Variants in ATP2B2 observed in about 807,000 individuals in gnomAD.
The protein encoded by ATP2B2 is plasma membrane calcium-transporting ATPase 2.
In ATP2B2, 15 loss-of-function variants were observed where a neutral mutation model predicts 120.0. The ratio of observed to expected loss-of-function variants is 0.12; its 90% CI spans 0.08 to 0.19. The LOEUF is 0.19. ATP2B2 is among the 10% of genes least tolerant of loss of function. ATP2B2 has a pLI of 1.00. For missense variants in ATP2B2, 1,045 were observed against 1,719.8 expected, an observed-to-expected ratio of 0.61 and a Z score of 6.94; for synonymous variants, 694 against 700.3, an observed-to-expected ratio of 0.99 and a Z score of 0.14.
intron 16 of ATP2B2, among the ~76,000 whole-genome samples, chr3:10,348,435 C>T (rs1321467370): frequency 6.6e-6 from 1 of 152,224 alleles, no homozygotes; most frequent in Non-Finnish European, 1.5e-5. Context: ...TGTTCCTGTG[C>T]CTGGTGACAC....
At chr3:10,668,243 T>A (rs898579633) in intron 1 of ATP2B2, among the ~76,000 whole-genome samples, 1 of 152,216 alleles carries the variant, frequency 6.6e-6, no homozygotes, top group Non-Finnish European at 1.5e-5. Context: ...GAACTATAGG[T>A]CTCATTGTTG....
chr3:10,392,926 A>G (rs1369435760), intron 5 of ATP2B2, among the ~76,000 whole-genome samples: 1 of 152,196 alleles, frequency 6.6e-6, no homozygotes, highest in Non-Finnish European at 1.5e-5. Flanking sequence ...GGACAGCTAC[A>G]TCTCGGGAAG....
chr3:10,707,705 C>A lies in ATP2B2; in HGVS notation c.-460+210G>T, dbSNP rs932379798. ...CCACCCCGGCCCGCCCCGCCCGCCG[C>A]CTGGTGCCCGCTCAAGGTCACTGCT... On this transcript the variant is annotated intron_variant, in intron 1 of 21. Coordinates refer to the ATP2B2 transcript ENST00000646379. 8.6e-5 allele frequency among the ~76,000 whole-genome samples: 13 copies of A among 151,826 alleles called. No individual in the cohort carries two copies. The South Asian group carries it at 2.3e-3, about 27-fold the overall frequency.
chr3:10,456,722 C>A (rs978524080), intron 1 of ATP2B2, among the ~76,000 whole-genome samples: 4 of 152,250 alleles, frequency 2.6e-5, no homozygotes, highest in African/African-American at 9.6e-5. Flanking sequence ...GCTGGGGAGG[C>A]CTCCAGCTTG....
At position 10,402,106 on chromosome 3, in the gene ATP2B2, C is replaced by T. The variant is rs374835840; in HGVS notation, c.640G>A (p.Ala214Thr). ...PVAEIVVGDI[A>T]QVKYGDLLPA... ...GGACACTTACCATATTTGACCTGGG[C>T]TATGTCCCCAACCACGATCTCAGCC... is the stretch of plus-strand genomic sequence containing the variant. Residue 214 changes from alanine (A) to threonine (T), a missense_variant, in exon 4 of 23, where the codon GCC becomes ACC. This residue lies in a region of ATP2B2 where 35 missense variants were observed against 29.9 expected (regional missense o/e 1.17). Transcript: ENST00000360273. The surrounding 1 kb of genome is among the most constrained non-coding windows in gnomAD (Gnocchi z 4.9). The T allele has an allele frequency of 3.7e-6, 6 of 1,614,036 alleles. No homozygotes were observed. The highest frequency in any genetic ancestry group is 5.1e-6 in the Non-Finnish European group (6 of 1,180,024).
chr3:10,554,280 C>T (rs1407373344), intron 2 of ATP2B2, among the ~76,000 whole-genome samples: 1 of 152,178 alleles, frequency 6.6e-6, no homozygotes, highest in Non-Finnish European at 1.5e-5. Flanking sequence ...AGAAATGTCT[C>T]AGTTTCCAGG....
rs561256611 is a variant in ATP2B2, at chr3:10,612,786, G to A, written c.-415+7131C>T. On this transcript the variant is annotated intron_variant, in intron 2 of 21. Coordinates refer to the ATP2B2 transcript ENST00000646379. ...ATTGCCCCCTCTCTGGTCTTCTGCT[G>A]GTCTTAGTAAATAGCACCAGCCTCC... Among the ~76,000 whole-genome samples, 6 of 152,254 alleles carry A rather than the reference G, an allele frequency of 3.9e-5. No homozygotes were observed. In the South Asian group the frequency reaches 1.2e-3, roughly 32 times the overall value.
At chr3:10,501,115 C>A (rs1252547200) in intron 1 of ATP2B2, among the ~76,000 whole-genome samples, 1 of 152,218 alleles carries the variant, frequency 6.6e-6, no homozygotes, top group African/African-American at 2.4e-5. Flanking sequence ...TGAGCTGTGG[C>A]CCCTGCTCGG....
intron 1 of ATP2B2, among the ~76,000 whole-genome samples, chr3:10,465,574 G>A (rs1291057989): frequency 6.6e-6 from 1 of 152,164 alleles, no homozygotes; most frequent in South Asian, 2.1e-4. Context: ...TTTAGGTTTT[G>A]GGTTTAAGAT....
At chr3:10,699,965 G>A (rs1227594433) in intron 1 of ATP2B2, among the ~76,000 whole-genome samples, 7 of 152,058 alleles carry the variant, frequency 4.6e-5, no homozygotes, top group African/African-American at 1.4e-4. Context: ...TAAATAACCC[G>A]GTTTCAAGTG....
intron 1 of ATP2B2, chr3:10,626,562 G>GGGATGGATGGATGGATGGAT (rs112765369): frequency 6.7e-6 from 1 of 149,414 alleles, no homozygotes; most frequent in African/African-American, 2.5e-5. Flanking sequence ...GAGAGAGAAG[G>GGGATGGATGGATGGATGGAT]GGATGGATGG....
chr3:10,488,100 GCCAT>G (rs943539240), intron 1 of ATP2B2, among the ~76,000 whole-genome samples: 4 of 143,522 alleles, frequency 2.8e-5, no homozygotes, highest in East Asian at 2.1e-4. Flanking sequence ...CATCCATCCA[GCCAT>G]CCATCCATCC....
At position 10,346,096 on chromosome 3, in the gene ATP2B2, C is replaced by T; in HGVS notation, c.2446G>A (p.Ala816Thr). Residue 816 changes from alanine to threonine, a missense_variant, in exon 17 of 23, where the codon GCC becomes ACC. Physicochemically the swap from Ala to Thr is moderately conservative, Grantham distance 58. Coordinates refer to ENST00000360273, the MANE Select transcript of ATP2B2 (RefSeq NM_001001331.4). This position sits in a 1 kb window ranked among gnomAD's most constrained non-coding sequence, Gnocchi z 4.1. ...STHTEQRQVV[A>T]VTGDGTNDGP... The stretch of plus-strand genomic sequence containing the variant: ...TCGTTGGTCCCGTCCCCCGTCACGG[C>T]CACCACCTGCCGCTGCTCAGTGTGT... The T allele has an allele frequency of 6.2e-7, 1 of 1,612,086 alleles. No homozygotes were observed.
intron 1 of ATP2B2, among the ~76,000 whole-genome samples, chr3:10,632,770 G>A (rs992186889): frequency 3.3e-5 from 5 of 152,164 alleles, no homozygotes; most frequent in African/African-American, 9.7e-5. Flanking sequence ...GCACAGGGTC[G>A]GCCACTGAGC....
chr3:10,576,878 T>C (rs554913588), intron 2 of ATP2B2, among the ~76,000 whole-genome samples: 3 of 151,820 alleles, frequency 2.0e-5, no homozygotes, highest in South Asian at 2.1e-4. Context: ...GCCTGGTCAA[T>C]ATGGTGAAAC....
At chr3:10,532,158 C>G (rs1016061623) in intron 3 of ATP2B2, among the ~76,000 whole-genome samples, 3 of 152,190 alleles carry the variant, frequency 2.0e-5, no homozygotes, top group African/African-American at 7.2e-5. Context: ...AAACTCCTCA[C>G]AGGGGCCCTC....
At chr3:10,458,348 G>T (rs1193566545) in intron 1 of ATP2B2, among the ~76,000 whole-genome samples, 1 of 152,198 alleles carries the variant, frequency 6.6e-6, no homozygotes, top group Non-Finnish European at 1.5e-5. Flanking sequence ...TGCAGGCTGG[G>T]TCAAGTGATT....
intron 1 of ATP2B2, among the ~76,000 whole-genome samples, chr3:10,494,128 G>A (rs2066043206): frequency 6.6e-6 from 1 of 151,994 alleles, no homozygotes; most frequent in African/African-American, 2.4e-5. Flanking sequence ...CAGGCCTGGT[G>A]GACATTCTGA....
intron 1 of ATP2B2, among the ~76,000 whole-genome samples, chr3:10,644,368 A>G (rs1395345345): frequency 2.6e-5 from 4 of 152,230 alleles, no homozygotes; most frequent in Non-Finnish European, 4.4e-5. Flanking sequence ...TTAAAAAGTT[A>G]AACATGGAAT....
Sources: gnomAD v4.1 joint callset for allele counts (sites outside exome capture counted in the v4.1 genomes callset) on GRCh38, gnomAD v4.1.1 for gene constraint, gnomAD v4.1.1 regional missense constraint, Gnocchi (gnomAD v3.1) non-coding constraint, MANE v1.5 for transcripts, NCBI Gene and HGNC (gene_info 2026-07-23, HGNC 2026-07-21) for gene names.